The following NCALD variants were observed in gnomAD, a reference collection of about 807,000 sequenced individuals.
NCALD encodes the protein neurocalcin-delta.
NCALD carries 10 observed loss-of-function variants against 18.6 expected under a neutral mutation model. That is an observed-to-expected ratio of 0.54 (90% CI 0.33 to 0.91). The LOEUF (loss-of-function observed/expected upper bound fraction) is 0.91, where lower values mean the gene tolerates loss of function less well. Ranked by LOEUF, NCALD falls within the 40% of genes least tolerant of loss-of-function variation. NCALD has a pLI of 0.03. For synonymous variants in NCALD, 88 were observed against 87.4 expected, an observed-to-expected ratio of 1.01 and a Z score of -0.04; for missense variants, 184 against 247.6, an observed-to-expected ratio of 0.74 and a Z score of 1.72.
At chr8:101,730,479 CAAAAAAAAAAAAAA>C (rs869241027) in intron 1 of NCALD, among the ~76,000 whole-genome samples, 3 of 43,672 alleles carry the variant, frequency 6.9e-5, no homozygotes, top group Non-Finnish European at 1.3e-4. Context: ...GACTCCATCT[CAAAAAAAAAAAAAA>C]AAAAAAAAAA....
intron 1 of NCALD, among the ~76,000 whole-genome samples, chr8:102,065,715 G>A (rs1303861649): frequency 1.3e-5 from 2 of 152,146 alleles, no homozygotes; most frequent in Non-Finnish European, 2.9e-5. Flanking sequence ...AAGGTGGTGT[G>A]TACCTGTAAT....
At chr8:102,082,058 A>G (rs958602247) in intron 1 of NCALD, among the ~76,000 whole-genome samples, 1 of 151,996 alleles carries the variant, frequency 6.6e-6, no homozygotes, top group Non-Finnish European at 1.5e-5. Context: ...CCCTTCCACA[A>G]GGATACTCAT....
intron 1 of NCALD, among the ~76,000 whole-genome samples, chr8:101,742,090 GAAAA>G (rs35753528): frequency 6.8e-6 from 1 of 147,040 alleles, no homozygotes; most frequent in Non-Finnish European, 1.5e-5. Flanking sequence ...TGTCTCTACT[GAAAA>G]AAAAAAAAAT....
chr8:101,976,849 A>G (rs1352768274), intron 2 of NCALD, among the ~76,000 whole-genome samples: 1 of 152,174 alleles, frequency 6.6e-6, no homozygotes, highest in Non-Finnish European at 1.5e-5. Flanking sequence ...GTTTATTCTT[A>G]AATTACTACT....
At chr8:102,054,284 G>A (rs1028612988) in intron 1 of NCALD, among the ~76,000 whole-genome samples, 1 of 152,058 alleles carries the variant, frequency 6.6e-6, no homozygotes, top group Admixed American at 6.5e-5. Context: ...TTGGTCGAAC[G>A]CCAGTCTAGA....
chr8:101,870,734 T>C (rs1659836706), intron 4 of NCALD, among the ~76,000 whole-genome samples: 1 of 152,142 alleles, frequency 6.6e-6, no homozygotes, highest in African/African-American at 2.4e-5. Context: ...TGTTTTGTTT[T>C]ACTGGGGGCA....
chr8:101,724,424 A>T (rs1383042556), intron 1 of NCALD, among the ~76,000 whole-genome samples: 1 of 152,208 alleles, frequency 6.6e-6, no homozygotes. Flanking sequence ...ACTAGAATAA[A>T]AATGCTTGGC....
Position 101,692,819 on chromosome 8 carries a change from G to A in NCALD, c.456C>T (p.Ile152=). ...CTCTATTGGTGTCCATCTGGCGGAA[G>A]ATCTTTTCTGTTCTTTTCTCTGGGG... ...ESTPEKRTEK[I]FRQMDTNRDG... Residue 152 remains isoleucine (I), a synonymous_variant, in exon 3 of 4, where the codon ATC becomes ATT. Coordinates refer to ENST00000220931, the MANE Select transcript of NCALD (RefSeq NM_032041.3). 1 of 1,613,744 alleles carries A rather than the reference G, an allele frequency of 6.2e-7. No homozygotes were observed. Among genetic ancestry groups the A allele is most frequent in the Non-Finnish European group, 8.5e-7 (1 of 1,179,724 alleles).
chr8:102,023,145 C>CTGG (rs1822333817), intron 1 of NCALD, among the ~76,000 whole-genome samples: 1 of 152,172 alleles, frequency 6.6e-6, no homozygotes, highest in South Asian at 2.1e-4. Context: ...AAGCATCACC[C>CTGG]GCCCTGAAGG....
At chr8:102,033,805 C>T (rs1488680332) in intron 1 of NCALD, among the ~76,000 whole-genome samples, 1 of 152,062 alleles carries the variant, frequency 6.6e-6, no homozygotes, top group Admixed American at 6.6e-5. Context: ...ACTACACCAA[C>T]AAAGGAGGGA....
intron 1 of NCALD, among the ~76,000 whole-genome samples, chr8:101,785,272 C>G (rs567195726): frequency 6.6e-6 from 1 of 152,252 alleles, no homozygotes; most frequent in East Asian, 1.9e-4. Flanking sequence ...CCTGCCTCCT[C>G]GGGGGATGGT....
intron 2 of NCALD, among the ~76,000 whole-genome samples, chr8:101,953,444 G>C (rs770634389): frequency 6.6e-6 from 1 of 152,184 alleles, no homozygotes; most frequent in Non-Finnish European, 1.5e-5. Flanking sequence ...ATTAAGAGTT[G>C]AGCAAAAATC....
intron 4 of NCALD, among the ~76,000 whole-genome samples, chr8:101,836,051 T>C (rs926784160): frequency 6.6e-6 from 1 of 152,100 alleles, no homozygotes; most frequent in Admixed American, 6.6e-5. Flanking sequence ...CATCATCATC[T>C]GTGGAACTAC....
At chr8:102,056,729 C>T (rs1823665171) in intron 1 of NCALD, among the ~76,000 whole-genome samples, 2 of 152,230 alleles carry the variant, frequency 1.3e-5, no homozygotes, top group South Asian at 4.1e-4. Context: ...CTTAAAGTCT[C>T]TTTAGAGAAA....
At chr8:102,054,196 G>A (rs1368814539) in intron 1 of NCALD, among the ~76,000 whole-genome samples, 1 of 152,116 alleles carries the variant, frequency 6.6e-6, no homozygotes, top group African/African-American at 2.4e-5. Flanking sequence ...TCAGGGGCAG[G>A]GAGGTTTACA....
rs111475847 is a variant in NCALD at position 101,744,661 on chromosome 8, G to A, written c.-19-25013C>T. ...AGCTTAGTCAGGCAAACTACCTATG[G>A]AAATTTCTACTAAGCACGTGTCCCT... On this transcript the variant is annotated intron_variant, in intron 1 of 3. Coordinates refer to ENST00000220931, the MANE Select transcript of NCALD (RefSeq NM_032041.3). Among the ~76,000 whole-genome samples, 36 of 152,092 alleles carry A rather than the reference G, an allele frequency of 2.4e-4. 1 individual carries two copies. The highest frequency in any genetic ancestry group is 1.5e-4 in the Non-Finnish European group (10 of 68,020).
At chr8:101,770,847 T>G (rs1811557586) in intron 1 of NCALD, among the ~76,000 whole-genome samples, 1 of 152,228 alleles carries the variant, frequency 6.6e-6, no homozygotes, top group South Asian at 2.1e-4. Flanking sequence ...TATAAATACA[T>G]TTTTTAAAAA....
chr8:102,062,011 T>G (rs955655211), intron 1 of NCALD, among the ~76,000 whole-genome samples: 1 of 152,244 alleles, frequency 6.6e-6, no homozygotes, highest in Non-Finnish European at 1.5e-5. Flanking sequence ...ATGATAATGG[T>G]GACAACATCA....
chr8:102,048,959 G>GT (rs753643056), intron 1 of NCALD, among the ~76,000 whole-genome samples: 2 of 152,210 alleles, frequency 1.3e-5, no homozygotes, highest in Non-Finnish European at 2.9e-5. Flanking sequence ...TGCAAAGCCT[G>GT]TAACAGCCTT....
Sources: gnomAD v4.1 joint callset for allele counts (sites outside exome capture counted in the v4.1 genomes callset) on GRCh38, gnomAD v4.1.1 for gene constraint, MANE v1.5 for transcripts, NCBI Gene and HGNC (gene_info 2026-07-23, HGNC 2026-07-21) for gene names.